RRN3: variants seen among roughly 807,000 people sequenced by gnomAD.
RRN3 encodes RNA polymerase I transcription factor RRN3, also known as RNA polymerase I-specific transcription initiation factor RRN3.
In RRN3, 38 loss-of-function variants were observed where a neutral mutation model predicts 82.3. The observed-to-expected ratio is 0.46, with a 90% confidence interval of 0.36 to 0.61. The LOEUF is 0.61. Among genes scored for constraint, RRN3 ranks in the 20% least tolerant of loss-of-function variants. The pLI is 0.00. For missense variants in RRN3, 726 were observed against 793.1 expected (o/e 0.92, Z 1.02); for synonymous variants, 284 against 284.3 (o/e 1.00, Z 0.01).
At chr16:15,083,204 G>C (rs1483599740) in intron 8 of RRN3, among the ~76,000 whole-genome samples, 1 of 152,186 alleles carries the variant, frequency 6.6e-6, no homozygotes, top group Non-Finnish European at 1.5e-5. Flanking sequence ...TTCGATACCA[G>C]TGTGGCCAAT....
chr16:15,066,731 A>T (rs1171929684), intron 15 of RRN3, among the ~76,000 whole-genome samples: 3 of 151,604 alleles, frequency 2.0e-5, no homozygotes, highest in Non-Finnish European at 4.4e-5. Context: ...TTAAAATCAA[A>T]ATAAAGCTTT....
Position 15,062,048 on chromosome 16 carries a change from A to T in RRN3, c.1795-143T>A, listed in dbSNP as rs938459450. On this transcript the variant is annotated intron_variant, in intron 17 of 17. Coordinates refer to ENST00000198767, the MANE Select transcript of RRN3 (RefSeq NM_018427.5). ...TTCAAAAGAAAGCCAGTGTAGTGGCACACGCCTGTAGTCCCAGCTACTCAG... is the reference window on the plus strand; with the variant it reads ...TTCAAAAGAAAGCCAGTGTAGTGGCTCACGCCTGTAGTCCCAGCTACTCAG... The T allele has an allele frequency of 1.9e-5, 15 of 779,780 alleles. No homozygotes were observed. In the East Asian group the frequency reaches 4.1e-4, roughly 21 times the overall value. 48.3% of individuals were successfully genotyped at this position (779,780 alleles called of 1,614,324 possible).
chr16:15,090,417 G>A (rs1345324201), intron 3 of RRN3, among the ~76,000 whole-genome samples: 1 of 152,094 alleles, frequency 6.6e-6, no homozygotes, highest in African/African-American at 2.4e-5. Context: ...TTAGCTCATT[G>A]AATCCTTGTT....
chr16:15,062,598 C>T (rs1462084083), intron 17 of RRN3, among the ~76,000 whole-genome samples: 2 of 152,188 alleles, frequency 1.3e-5, no homozygotes, highest in Middle Eastern at 3.2e-3. Flanking sequence ...GTCTTCACCA[C>T]CCATTCATGA....
At chr16:15,087,460 C>A in intron 3 of RRN3, among the ~76,000 whole-genome samples, 1 of 152,180 alleles carries the variant, frequency 6.6e-6, no homozygotes, top group Non-Finnish European at 1.5e-5. Context: ...ATCCTCTGTC[C>A]ACCGTCCCAC....
chr16:15,066,301 A>C (rs551830677), intron 15 of RRN3, among the ~76,000 whole-genome samples: 128 of 151,270 alleles, frequency 8.5e-4, no homozygotes, highest in African/African-American at 3.1e-3. Flanking sequence ...ACAAGGAAGC[A>C]TGTGCCCACA....
At chr16:15,087,846 A>G (rs2966178) in intron 3 of RRN3, among the ~76,000 whole-genome samples, 83,806 of 151,956 alleles carry the variant, frequency 0.55, 24,140 homozygotes, top group Middle Eastern at 0.66. Context: ...TGGGCGTGGT[A>G]GCTCATGTCT....
chr16:15,091,701 A>T (rs1253969220), intron 2 of RRN3, among the ~76,000 whole-genome samples: 4 of 152,248 alleles, frequency 2.6e-5, no homozygotes, highest in Non-Finnish European at 4.4e-5. Flanking sequence ...GGAGGATCTA[A>T]AAAAGTATTC....
chr16:15,080,853 G>A (rs1236180982), intron 8 of RRN3, among the ~76,000 whole-genome samples: 4 of 151,500 alleles, frequency 2.6e-5, no homozygotes, highest in Non-Finnish European at 4.4e-5. Context: ...TATAAATGGA[G>A]TCATATAATA....
At chr16:15,067,597 G>C (rs1421153803) in intron 15 of RRN3, among the ~76,000 whole-genome samples, 2 of 150,136 alleles carry the variant, frequency 1.3e-5, no homozygotes, top group African/African-American at 4.9e-5. Flanking sequence ...ACTATTACAG[G>C]AGTCACTCTA....
rs898599155 is a variant in RRN3, at chr16:15,080,747, G to T, written c.667-651C>A. Among the ~76,000 whole-genome samples, 32 of 152,146 alleles carry T rather than the reference G, an allele frequency of 2.1e-4. No individual in the cohort carries two copies. The Middle Eastern group carries it at 0.01, about 49-fold the overall frequency. ...AGCAATTTTGTAACATTTTAATCAC[G>T]CTAAAAAGAAATCCTACATCCATTA... On this transcript the variant is annotated intron_variant, in intron 8 of 17. Transcript: ENST00000198767.
intron 3 of RRN3, among the ~76,000 whole-genome samples, chr16:15,087,070 T>G (rs1363812902): frequency 3.9e-5 from 6 of 152,208 alleles, no homozygotes; most frequent in Admixed American, 6.5e-5. Flanking sequence ...TGAAACGCAA[T>G]GTATAAAATA....
At chr16:15,091,823 A>AT (rs1352708211) in intron 2 of RRN3, among the ~76,000 whole-genome samples, 1 of 152,208 alleles carries the variant, frequency 6.6e-6, no homozygotes, top group Non-Finnish European at 1.5e-5. Context: ...AAAAACAAAA[A>AT]TCCCTACTCA....
intron 8 of RRN3, 21 bp downstream of exon 8, chr16:15,083,492 C>A: frequency 6.2e-7 from 1 of 1,608,070 alleles, no homozygotes; most frequent in Non-Finnish European, 8.5e-7. Context: ...CCATGATGTT[C>A]TCAATGAAAA....
In RRN3 at chr16:15,085,488, A is replaced by T; in HGVS notation, c.532+151T>A. On this transcript the variant is annotated intron_variant, in intron 6 of 17. Coordinates refer to ENST00000198767, the MANE Select transcript of RRN3 (RefSeq NM_018427.5). ...TTTTTTAAGAAAATATTTGAAAAAA[A>T]ATGTTTTTTTGCAGAGACAAGGTCT... 5.5e-6 allele frequency: 5 copies of T among 903,808 alleles called. No individual in the cohort carries two copies. The South Asian group carries it at 9.0e-5, about 16-fold the overall frequency. The allele number at this position is 903,808 out of a possible 1,614,324, so 56.0% of individuals were successfully genotyped here. A position where few individuals can be genotyped will look rare whatever the true frequency, so the allele number is the denominator to read the frequency against.
chr16:15,065,520 G>C (rs550590046), intron 15 of RRN3, 149 bp from the exon 16 acceptor site: 1 of 626,238 alleles, frequency 1.6e-6, no homozygotes, highest in Non-Finnish European at 2.7e-6. Context: ...AAAGCAGAAA[G>C]TAACACTTTT....
intron 12 of RRN3, 87 bp from the exon 13 acceptor site, chr16:15,071,338 T>C (rs1050149252): frequency 1.3e-5 from 17 of 1,289,598 alleles, no homozygotes; most frequent in Admixed American, 4.6e-5. Flanking sequence ...ACTTCACCAA[T>C]GTAGGGAAAA....
chr16:15,087,861 TCC>T (rs975580111), intron 3 of RRN3, among the ~76,000 whole-genome samples: 1 of 152,172 alleles, frequency 6.6e-6, no homozygotes, highest in Non-Finnish European at 1.5e-5. Flanking sequence ...ATGTCTGTAA[TCC>T]CAACACTTTG....
chr16:15,080,244 T>C (rs912285632), intron 8 of RRN3, 148 bp from the exon 9 acceptor site: 1 of 1,105,212 alleles, frequency 9.0e-7, no homozygotes, highest in African/African-American at 1.6e-5. Flanking sequence ...CTATACTGTT[T>C]CTACATGTAT....
Sources: gnomAD v4.1 joint callset for allele counts (sites outside exome capture counted in the v4.1 genomes callset) on GRCh38, gnomAD v4.1.1 for gene constraint, MANE v1.5 for transcripts, NCBI Gene and HGNC (gene_info 2026-07-23, HGNC 2026-07-21) for gene names.